The following AGMO variants were observed in gnomAD, a reference collection of about 807,000 sequenced individuals.
The protein encoded by AGMO is glyceryl-ether monooxygenase.
Under a neutral mutation model 60.2 loss-of-function variants are expected in AGMO, and 75 were observed. The observed-to-expected ratio is 1.25, with a 90% confidence interval of 1.03 to 1.51. The LOEUF (loss-of-function observed/expected upper bound fraction) is 1.51, where lower values mean the gene tolerates loss of function less well. Among genes scored for constraint, AGMO ranks in the 40% most tolerant of loss-of-function variants. The probability of loss-of-function intolerance (pLI) is 0.00; values close to 1 mark genes in which losing one functional copy is unlikely to be tolerated. For missense variants in AGMO, 763 were observed against 525.5 expected (o/e 1.45, Z -4.42); for synonymous variants, 261 against 177.1 (o/e 1.47, Z -3.76).
chr7:15,193,313 C>T, the AGMO span, among the ~76,000 whole-genome samples: 1 of 151,938 alleles, frequency 6.6e-6, no homozygotes, highest in Non-Finnish European at 1.5e-5. Context: ...GTATTTTTGC[C>T]TACATTCAGA....
chr7:15,324,506 T>C (rs1781277254), intron 12 of AGMO, among the ~76,000 whole-genome samples: 1 of 152,162 alleles, frequency 6.6e-6, no homozygotes, highest in Non-Finnish European at 1.5e-5. Context: ...GATTTCTTTT[T>C]TTCTCTGGCT....
intron 12 of AGMO, among the ~76,000 whole-genome samples, chr7:15,226,336 T>A (rs138509164): frequency 3.4e-4 from 51 of 152,232 alleles, no homozygotes; most frequent in African/African-American, 1.2e-3. Context: ...ACAAGGACTC[T>A]GATGTTTAGC....
intron 12 of AGMO, among the ~76,000 whole-genome samples, chr7:15,227,214 T>C (rs958077132): frequency 6.6e-6 from 1 of 152,050 alleles, no homozygotes; most frequent in African/African-American, 2.4e-5. Context: ...TAAGAGTATA[T>C]TCTCAGTAAC....
chr7:15,241,255 T>A (rs1328433814), intron 12 of AGMO, among the ~76,000 whole-genome samples: 1 of 151,150 alleles, frequency 6.6e-6, no homozygotes, highest in East Asian at 2.0e-4. Context: ...GGTCAGGAGA[T>A]CGAGACCATC....
chr7:15,376,352 G>GT (rs1389920430), intron 10 of AGMO, among the ~76,000 whole-genome samples: 1 of 151,014 alleles, frequency 6.6e-6, no homozygotes, highest in Admixed American at 6.6e-5. Flanking sequence ...ACTCTCTGCT[G>GT]TAAGAGTCGA....
intron 12 of AGMO, among the ~76,000 whole-genome samples, chr7:15,256,412 G>T (rs1468378799): frequency 6.6e-6 from 1 of 151,966 alleles, no homozygotes; most frequent in Non-Finnish European, 1.5e-5. Context: ...GCGCAATCTC[G>T]GCTCACTGCA....
At chr7:15,211,354 G>A (rs1781582458) in intron 12 of AGMO, among the ~76,000 whole-genome samples, 1 of 152,002 alleles carries the variant, frequency 6.6e-6, no homozygotes, top group Non-Finnish European at 1.5e-5. Context: ...TTTGGAACAT[G>A]AGAGATTTTA....
intron 12 of AGMO, among the ~76,000 whole-genome samples, chr7:15,277,626 G>T (rs1208231393): frequency 2.0e-5 from 3 of 151,978 alleles, no homozygotes; most frequent in Non-Finnish European, 2.9e-5. Context: ...CTTTAGCCCT[G>T]TGCACTTCTG....
chr7:15,199,296 G>A (rs1781212801), downstream of AGMO, among the ~76,000 whole-genome samples: 3 of 152,120 alleles, frequency 2.0e-5, no homozygotes, highest in African/African-American at 7.2e-5. Flanking sequence ...CACAATCACA[G>A]TGAGGTAAAC....
intron 1 of AGMO, among the ~76,000 whole-genome samples, 194 bp from the exon 2 acceptor site, chr7:15,560,465 TG>T (rs1785275146): frequency 1.3e-5 from 2 of 152,156 alleles, no homozygotes; most frequent in Non-Finnish European, 1.5e-5. Context: ...ACACTAAACA[TG>T]TGCTCAAATT....
At chr7:15,152,269 A>G in the AGMO span, among the ~76,000 whole-genome samples, 1 of 152,180 alleles carries the variant, frequency 6.6e-6, no homozygotes, top group African/African-American at 2.4e-5. Flanking sequence ...TTGAACAGAC[A>G]GAAATTCATG....
chr7:15,181,864 C>A, the AGMO span, among the ~76,000 whole-genome samples: 3 of 152,074 alleles, frequency 2.0e-5, no homozygotes, highest in African/African-American at 7.2e-5. Context: ...AAGGGTGGTG[C>A]AGATAAAATC....
At chr7:15,326,263 T>A (rs1437226377) in intron 12 of AGMO, among the ~76,000 whole-genome samples, 2 of 152,196 alleles carry the variant, frequency 1.3e-5, no homozygotes. Flanking sequence ...AAACTCCCAC[T>A]GTGTTTACAT....
Position 15,534,440 on chromosome 7 carries a change from C to T in AGMO, c.409+10332G>A, listed in dbSNP as rs570246474. Among the ~76,000 whole-genome samples, 6 of 152,022 alleles carry T rather than the reference C, an allele frequency of 3.9e-5. 1 individual carries two copies. The South Asian group carries it at 1.2e-3, about 32-fold the overall frequency. On this transcript the variant is annotated intron_variant, in intron 3 of 12. Coordinates refer to ENST00000342526, the MANE Select transcript of AGMO (RefSeq NM_001004320.2). ...ATGATATTCACTTGGGGAAAAGAGACTTTCTTTATAAAAGCAAAATATAAT... is the reference window on the plus strand; with the variant it reads ...ATGATATTCACTTGGGGAAAAGAGATTTTCTTTATAAAAGCAAAATATAAT...
intron 12 of AGMO, among the ~76,000 whole-genome samples, chr7:15,250,913 C>T (rs531067249): frequency 2.7e-4 from 41 of 151,716 alleles, no homozygotes; most frequent in African/African-American, 9.4e-4. Context: ...CCACTGCACT[C>T]CAGCCTAGGC....
intron 3 of AGMO, among the ~76,000 whole-genome samples, chr7:15,510,289 C>T (rs898545174): frequency 6.6e-6 from 1 of 151,994 alleles, no homozygotes; most frequent in African/African-American, 2.4e-5. Flanking sequence ...CTTCTGCCTC[C>T]CTAGTAGCTA....
intron 3 of AGMO, among the ~76,000 whole-genome samples, chr7:15,543,327 A>G (rs1784682470): frequency 6.6e-6 from 1 of 152,216 alleles, no homozygotes; most frequent in African/African-American, 2.4e-5. Flanking sequence ...GCAGAGGTTC[A>G]GACCTAGATT....
At chr7:15,548,059 G>C (rs1037350010) in intron 2 of AGMO, among the ~76,000 whole-genome samples, 17 of 151,714 alleles carry the variant, frequency 1.1e-4, no homozygotes, top group Admixed American at 1.3e-4. Context: ...GGGGCACACT[G>C]ACACCTCACA....
intron 4 of AGMO, among the ~76,000 whole-genome samples, chr7:15,423,232 G>A (rs1372556758): frequency 1.3e-5 from 2 of 152,106 alleles, no homozygotes; most frequent in Non-Finnish European, 2.9e-5. Flanking sequence ...ACTAAAGATT[G>A]AAGAATCAAA....
Sources: gnomAD v4.1 joint callset for allele counts (sites outside exome capture counted in the v4.1 genomes callset) on GRCh38, gnomAD v4.1.1 for gene constraint, MANE v1.5 for transcripts, NCBI Gene and HGNC (gene_info 2026-07-23, HGNC 2026-07-21) for gene names.